Variants in GALNT2 observed in about 807,000 individuals in gnomAD.
GALNT2 encodes polypeptide N-acetylgalactosaminyltransferase 2.
In GALNT2, 31 loss-of-function variants were observed where a neutral mutation model predicts 81.4. That is an observed-to-expected ratio of 0.38 (90% CI 0.29 to 0.51). The LOEUF (loss-of-function observed/expected upper bound fraction) is 0.51. Ranked by LOEUF, GALNT2 falls within the 20% of genes least tolerant of loss-of-function variation. The pLI, the probability that GALNT2 is intolerant of heterozygous loss-of-function variation, is 0.87. For synonymous variants in GALNT2, 303 were observed against 287.4 expected (o/e 1.05, Z -0.55); for missense variants, 629 against 765.7 (o/e 0.82, Z 2.11).
intron 4 of GALNT2, 42 bp downstream of exon 4, chr1:230,236,154 A>G: frequency 6.3e-7 from 1 of 1,584,244 alleles, no homozygotes; most frequent in Non-Finnish European, 8.7e-7. Flanking sequence ...GTGTTAAGAC[A>G]TTAGCTGTGT....
intron 1 of GALNT2, among the ~76,000 whole-genome samples, chr1:230,146,419 A>C (rs1661917944): frequency 6.6e-6 from 1 of 152,110 alleles, no homozygotes. Context: ...CTTAATATGG[A>C]CAGTATTTTC....
At chr1:230,106,565 G>C (rs184590561) in intron 1 of GALNT2, among the ~76,000 whole-genome samples, 1 of 152,350 alleles carries the variant, frequency 6.6e-6, no homozygotes, top group East Asian at 1.9e-4. Context: ...AAGGCTTTTG[G>C]AGGTTGAGAT....
In GALNT2 at chr1:230,058,336, G is replaced by A. The variant is rs140089954; in HGVS notation, n.89+258G>A. ...AGAGGGTTACACAGCGGGGAAGGTG[G>A]GAACAAGAAGACTGCCTTTCAGCAG... On this transcript the variant is annotated intron_variant and non_coding_transcript_variant, in intron 1 of 6. Transcript: ENST00000494106. Among the ~76,000 whole-genome samples the A allele has an allele frequency of 2.1e-3, 322 of 152,244 alleles. 2 individuals carry two copies. Among genetic ancestry groups the A allele is most frequent in the Non-Finnish European group, 1.6e-3 (107 of 68,012 alleles).
intron 2 of GALNT2, among the ~76,000 whole-genome samples, chr1:230,179,594 T>C (rs1663095104): frequency 1.3e-5 from 2 of 152,366 alleles, no homozygotes; most frequent in South Asian, 4.1e-4. Context: ...GCCATCTGTA[T>C]ATTTTCTTTT....
intron 1 of GALNT2, 120 bp from the exon 2 acceptor site, chr1:230,178,098 C>T (rs1663042426): frequency 1.5e-6 from 1 of 663,476 alleles, no homozygotes; most frequent in Non-Finnish European, 2.5e-6. Flanking sequence ...CTCCCTCCTG[C>T]TCATCAGTGC....
In GALNT2 at chr1:230,193,279, ACT is replaced by A. The variant is rs1663584901; in HGVS notation, c.221-9854_221-9853del. Among the ~76,000 whole-genome samples the A allele has an allele frequency of 6.6e-6, 1 of 151,922 alleles. No homozygotes were observed. The highest frequency in any genetic ancestry group is 1.5e-5 in the Non-Finnish European group (1 of 68,006). On this transcript the variant is annotated intron_variant, in intron 2 of 15. Transcript: ENST00000366672. This position sits in a 1 kb window ranked among gnomAD's most constrained non-coding sequence, Gnocchi z 4.3. ...CCTCCTGCAGCCTGAATCCACTGAG[ACT>A]CTCAGTTTCCTGCACAACGGGACCT...
At chr1:230,175,191 T>C (rs1462803439) in intron 1 of GALNT2, among the ~76,000 whole-genome samples, 1 of 152,186 alleles carries the variant, frequency 6.6e-6, no homozygotes, top group Middle Eastern at 3.2e-3. Flanking sequence ...TAGTCAGCCA[T>C]CTTTGTAGGA....
chr1:230,190,069 C>T (rs1043984386), intron 2 of GALNT2, among the ~76,000 whole-genome samples: 1 of 152,178 alleles, frequency 6.6e-6, no homozygotes, highest in Admixed American at 6.5e-5. Flanking sequence ...TCTTCATGAG[C>T]CAGGCCTGAG....
chr1:230,189,010 T>C (rs1330680657), intron 2 of GALNT2, among the ~76,000 whole-genome samples: 1 of 150,446 alleles, frequency 6.6e-6, no homozygotes, highest in African/African-American at 2.4e-5. Flanking sequence ...AGTAGAGGAG[T>C]GGGGCCGGAA....
intron 2 of GALNT2, among the ~76,000 whole-genome samples, chr1:230,196,225 C>T (rs1663690886): frequency 6.6e-6 from 1 of 152,212 alleles, no homozygotes; most frequent in African/African-American, 2.4e-5. Context: ...TGGGTGTCTT[C>T]TGTTACATGC....
At chr1:230,101,946 G>A (rs970314083) in intron 1 of GALNT2, among the ~76,000 whole-genome samples, 6 of 152,232 alleles carry the variant, frequency 3.9e-5, no homozygotes, top group African/African-American at 9.6e-5. Flanking sequence ...AGCACAAAAA[G>A]TAGTTGGACT....
rs140851536 is a variant in GALNT2, at chr1:230,155,346, C to T, written c.127-22872C>T. On this transcript the variant is annotated intron_variant, in intron 1 of 15. Transcript: ENST00000366672. ...CTCGGAGGTGGGCCCTGCCTGCAGC[C>T]GCTGACCTCCGGGAGAGACCGGCCT... Among the ~76,000 whole-genome samples the T allele has an allele frequency of 4.6e-5, 7 of 152,324 alleles. No individual in the cohort carries two copies. The East Asian group carries it at 1.3e-3, about 29-fold the overall frequency.
intron 1 of GALNT2, among the ~76,000 whole-genome samples, chr1:230,138,383 G>C (rs1661619148): frequency 6.6e-6 from 1 of 152,096 alleles, no homozygotes; most frequent in South Asian, 2.1e-4. Context: ...AAATTAGCCA[G>C]GCATGGTGGT....
At chr1:230,200,062 C>CTT (rs34212427) in intron 2 of GALNT2, among the ~76,000 whole-genome samples, 35 of 113,508 alleles carry the variant, frequency 3.1e-4, no homozygotes, top group East Asian at 5.6e-4. Flanking sequence ...TCTTTTTTTT[C>CTT]TTTTTTTTTT....
intron 3 of GALNT2, among the ~76,000 whole-genome samples, chr1:230,232,976 G>A (rs1411105252): frequency 1.3e-5 from 2 of 152,068 alleles, no homozygotes; most frequent in East Asian, 1.9e-4. Context: ...AATAAAAGAA[G>A]CCCATTTTGT....
intron 1 of GALNT2, among the ~76,000 whole-genome samples, chr1:230,134,558 C>T (rs1661477222): frequency 6.6e-6 from 1 of 152,226 alleles, no homozygotes; most frequent in African/African-American, 2.4e-5. Flanking sequence ...TCTCAAACCT[C>T]CCCTCATTCT....
intron 3 of GALNT2, 134 bp from the exon 4 acceptor site, chr1:230,235,880 G>C: frequency 1.4e-6 from 1 of 719,366 alleles, no homozygotes; most frequent in South Asian, 1.8e-5. Context: ...AACAGGCCAG[G>C]AACTTCTGCA....
intron 1 of GALNT2, among the ~76,000 whole-genome samples, chr1:230,129,186 A>G (rs937351850): frequency 3.9e-5 from 6 of 152,214 alleles, no homozygotes; most frequent in Admixed American, 2.6e-4. Flanking sequence ...CTCAAAATAG[A>G]TTGTGTTGCC....
intron 15 of GALNT2, among the ~76,000 whole-genome samples, chr1:230,276,368 C>T (rs1666308858): frequency 6.6e-6 from 1 of 152,122 alleles, no homozygotes; most frequent in Non-Finnish European, 1.5e-5. Flanking sequence ...CTTGGAGTGC[C>T]TGCCCCTGTT....
Sources: allele counts gnomAD v4.1 joint callset (sites outside exome capture counted in the v4.1 genomes callset), GRCh38; gene constraint gnomAD v4.1.1; non-coding constraint Gnocchi (gnomAD v3.1); transcripts MANE v1.5; gene names NCBI Gene and HGNC (gene_info 2026-07-23, HGNC 2026-07-21).